Variants in RTF1 observed in about 807,000 individuals in gnomAD.
RTF1 encodes RTF1 homolog, Paf1/RNA polymerase II complex component, also known as RNA polymerase-associated protein RTF1 homolog.
Under a neutral mutation model 95.7 loss-of-function variants are expected in RTF1, and 10 were observed. The observed-to-expected ratio is 0.10, with a 90% CI of 0.06 to 0.18. The LOEUF is 0.18. RTF1 is among the 10% of genes least tolerant of loss of function. The pLI is 1.00. For synonymous variants in RTF1, 305 were observed against 311.8 expected, an observed-to-expected ratio of 0.98 and a Z score of 0.23; for missense variants, 458 against 875.6, an observed-to-expected ratio of 0.52 and a Z score of 6.02.
chr15:41,444,475 A>G (rs997588472), intron 2 of RTF1, among the ~76,000 whole-genome samples: 5 of 151,672 alleles, frequency 3.3e-5, no homozygotes, highest in Admixed American at 2.6e-4. Context: ...TTGTACTTTT[A>G]ATAGAGATGG....
Position 41,452,882 on chromosome 15 carries a change from T to C in RTF1, c.310-19T>C, listed in dbSNP as rs1488079947. On this transcript the variant is annotated intron_variant, in intron 2 of 17. Coordinates refer to ENST00000389629, the MANE Select transcript of RTF1 (RefSeq NM_015138.5). ...TCCCTATTCCTATTTCAGTCTTCCT[T>C]TTTCTTTTCTCCTTATAGTGGACAT... 1.9e-6 allele frequency: 3 copies of C among 1,544,678 alleles called. No individual in the cohort carries two copies. The highest frequency in any genetic ancestry group is 2.6e-6 in the Non-Finnish European group (3 of 1,147,922).
chr15:41,438,786 A>G (rs984641115), intron 2 of RTF1, among the ~76,000 whole-genome samples: 1 of 151,682 alleles, frequency 6.6e-6, no homozygotes, highest in African/African-American at 2.4e-5. Context: ...GCTTGAACTC[A>G]GGAGGCAGAG....
chr15:41,453,976 A>T (rs559211170), intron 3 of RTF1, among the ~76,000 whole-genome samples: 2 of 152,340 alleles, frequency 1.3e-5, no homozygotes, highest in African/African-American at 4.8e-5. Context: ...ACTTAGTTCA[A>T]TACTCATTGT....
chr15:41,438,988 T>C (rs1035569175), intron 2 of RTF1, among the ~76,000 whole-genome samples: 2 of 150,630 alleles, frequency 1.3e-5, no homozygotes, highest in African/African-American at 4.9e-5. Flanking sequence ...TTTTTCAGCC[T>C]TATTGCAGAA....
intron 2 of RTF1, among the ~76,000 whole-genome samples, chr15:41,447,608 A>G (rs1566841768): frequency 6.6e-6 from 1 of 152,214 alleles, no homozygotes; most frequent in Non-Finnish European, 1.5e-5. Context: ...TATTTACAAA[A>G]TACTTTTCTG....
intron 14 of RTF1, among the ~76,000 whole-genome samples, chr15:41,478,123 G>A (rs1046480225): frequency 7.3e-5 from 11 of 151,444 alleles, no homozygotes; most frequent in Admixed American, 3.3e-4. Flanking sequence ...AAAATTAGCC[G>A]GGCATGGTGG....
intron 3 of RTF1, 140 bp downstream of exon 3, chr15:41,453,188 A>G (rs1053390512): frequency 5.1e-6 from 3 of 585,314 alleles, no homozygotes; most frequent in Admixed American, 7.8e-5. Context: ...AACTTTTTCC[A>G]TGGTCATGGA....
chr15:41,453,753 AAG>A (rs1789567655), intron 3 of RTF1, among the ~76,000 whole-genome samples: 1 of 152,132 alleles, frequency 6.6e-6, no homozygotes, highest in South Asian at 2.1e-4. Flanking sequence ...AAAAAAAAAA[AAG>A]AAAAATGCAG....
chr15:41,452,745 T>C (rs28529557), intron 2 of RTF1, among the ~76,000 whole-genome samples, 156 bp from the exon 3 acceptor site: 2 of 151,900 alleles, frequency 1.3e-5, no homozygotes, highest in Non-Finnish European at 1.5e-5. Flanking sequence ...AAAAAAAAAT[T>C]TTTTTTTTCA....
rs1345604771 is a variant in RTF1 at position 41,473,073 on chromosome 15, G to A, written c.1204-1547G>A. Reference sequence around the variant, plus strand: ...GTTTCTTATGCTGGTCTCAAACTCCGGGCCTCAAGTGATGTTCTGGCCTCA... The same window carrying A: ...GTTTCTTATGCTGGTCTCAAACTCCAGGCCTCAAGTGATGTTCTGGCCTCA... On this transcript the variant is annotated intron_variant, in intron 8 of 17. Transcript: ENST00000389629. 7.2e-5 allele frequency among the ~76,000 whole-genome samples: 11 copies of A among 152,094 alleles called. 1 individual carries two copies. The highest frequency in any genetic ancestry group is 6.2e-4 in the South Asian group (3 of 4,820).
rs146800262 is a variant in RTF1, at chr15:41,468,607, G to T, written c.890-1650G>T. On this transcript the variant is annotated intron_variant, in intron 6 of 17. Transcript: ENST00000389629. ...GCTGGGATTACAGGTGTGAGCCACC[G>T]CACCCGGCCTAAAGAGAAACTTCTA... 2.4e-4 allele frequency among the ~76,000 whole-genome samples: 36 copies of T among 152,224 alleles called. 1 individual carries two copies. The highest frequency in any genetic ancestry group is 4.4e-5 in the Non-Finnish European group (3 of 68,012).
At chr15:41,443,925 G>A (rs369377889) in intron 2 of RTF1, among the ~76,000 whole-genome samples, 2 of 151,590 alleles carry the variant, frequency 1.3e-5, no homozygotes, top group Admixed American at 6.6e-5. Flanking sequence ...AAAATTAGCC[G>A]GGCGTGGTGG....
chr15:41,457,081 C>G (rs2050822331), intron 3 of RTF1, among the ~76,000 whole-genome samples: 2 of 151,728 alleles, frequency 1.3e-5, no homozygotes, highest in East Asian at 2.0e-4. Context: ...GAGACTCCGT[C>G]TCAATAATAA....
intron 1 of RTF1, among the ~76,000 whole-genome samples, chr15:41,429,961 T>A (rs757218349): frequency 3.3e-5 from 5 of 149,530 alleles, no homozygotes; most frequent in African/African-American, 4.9e-5. Context: ...ATCTTTTCCT[T>A]ATTTTTTCTT....
intron 11 of RTF1, 61 bp downstream of exon 11, chr15:41,475,880 G>C (rs570447365): frequency 1.2e-6 from 1 of 820,084 alleles, no homozygotes; most frequent in East Asian, 2.5e-5. Flanking sequence ...GAGAGAACAT[G>C]ATTCTCTTTT....
rs561328816 is a variant in RTF1, at chr15:41,445,395, G to A, written c.309+6964G>A. 5.9e-5 allele frequency among the ~76,000 whole-genome samples: 9 copies of A among 152,184 alleles called. No individual in the cohort carries two copies. The South Asian group carries it at 8.3e-4, about 14-fold the overall frequency. ...CTCAAATGTATTTTCAAGAAATTCC[G>A]ACACTCCCAACCTAACAGTGTAATG... On this transcript the variant is annotated intron_variant, in intron 2 of 17. Transcript: ENST00000389629.
intron 2 of RTF1, among the ~76,000 whole-genome samples, chr15:41,439,365 TCTCA>T (rs2050721431): frequency 6.6e-6 from 1 of 152,188 alleles, no homozygotes; most frequent in African/African-American, 2.4e-5. Flanking sequence ...ATCTTTTTAA[TCTCA>T]CTTTCAAGTT....
intron 1 of RTF1, among the ~76,000 whole-genome samples, chr15:41,427,793 A>G (rs369964068): frequency 1.3e-5 from 2 of 150,920 alleles, no homozygotes; most frequent in Non-Finnish European, 3.0e-5. Context: ...GTCAAGTTTT[A>G]TTTTTTTTTG....
At chr15:41,456,442 T>G (rs2050816934) in intron 3 of RTF1, among the ~76,000 whole-genome samples, 1 of 148,802 alleles carries the variant, frequency 6.7e-6, no homozygotes, top group African/African-American at 2.5e-5. Context: ...TGAGTCGAGA[T>G]CGTGCCACTG....
Sources: allele counts gnomAD v4.1 joint callset (sites outside exome capture counted in the v4.1 genomes callset), GRCh38; gene constraint gnomAD v4.1.1; transcripts MANE v1.5; gene names NCBI Gene and HGNC (gene_info 2026-07-23, HGNC 2026-07-21).